NDUFA11: variants seen among roughly 807,000 people sequenced by gnomAD.
NDUFA11 encodes the protein NADH:ubiquinone oxidoreductase subunit A11.
NDUFA11 carries 14 observed loss-of-function variants against 11.3 expected under a neutral mutation model. The ratio of observed to expected loss-of-function variants is 1.24; its 90% CI spans 0.82 to 1.94. NDUFA11 has a LOEUF of 1.94. Among genes scored for constraint, NDUFA11 ranks in the 30% most tolerant of loss-of-function variants. The pLI is 0.00. For synonymous variants in NDUFA11, 87 were observed against 85.6 expected, an observed-to-expected ratio of 1.02 and a Z score of -0.09; for missense variants, 204 against 200.3, an observed-to-expected ratio of 1.02 and a Z score of -0.11.
At chr19:5,899,148 C>CTTTT (rs550114615) in intron 1 of NDUFA11, among the ~76,000 whole-genome samples, 6 of 139,192 alleles carry the variant, frequency 4.3e-5, no homozygotes, top group African/African-American at 7.9e-5. Context: ...TATGAAGATT[C>CTTTT]TTTTTTTTTT....
intron 1 of NDUFA11, 65 bp downstream of exon 1, chr19:5,903,547 C>G: frequency 6.9e-7 from 1 of 1,458,258 alleles, no homozygotes; most frequent in African/African-American, 1.4e-5. Flanking sequence ...CCAAACAGCC[C>G]CCAGTAACCC....
downstream of NDUFA11, among the ~76,000 whole-genome samples, chr19:5,893,502 C>T (rs987364045): frequency 2.0e-5 from 3 of 152,068 alleles, no homozygotes; most frequent in Non-Finnish European, 4.4e-5. This position sits in a 1 kb window ranked among gnomAD's most constrained non-coding sequence, Gnocchi z 4.1. Context: ...GGTCTCACTG[C>T]GTTGCCCAGG....
At chr19:5,895,111 C>A (rs1432413335) in intron 3 of NDUFA11, 2 of 515,986 alleles carry the variant, frequency 3.9e-6, no homozygotes, top group East Asian at 6.7e-5. Context: ...ACACTGACTT[C>A]CCCCTGCGAG....
chr19:5,897,339 T>C (rs1323115535), intron 1 of NDUFA11, among the ~76,000 whole-genome samples: 4 of 152,096 alleles, frequency 2.6e-5, no homozygotes, highest in Non-Finnish European at 5.9e-5. Context: ...ATCCACGTGG[T>C]GGACACAAGA....
At position 5,903,761 on chromosome 19, in the gene NDUFA11, G is replaced by T; in HGVS notation, c.-53C>A. 2 of 1,529,740 alleles carry T rather than the reference G, an allele frequency of 1.3e-6. No homozygotes were observed. The highest frequency in any genetic ancestry group is 1.8e-6 in the Non-Finnish European group (2 of 1,127,806). 94.8% of individuals were successfully genotyped at this position (1,529,740 alleles called of 1,614,324 possible). A position where few individuals can be genotyped will look rare whatever the true frequency, so the allele number is the denominator to read the frequency against. On this transcript the variant is annotated 5_prime_UTR_variant, in exon 1 of 4. Transcript: ENST00000308961. Reference sequence around the variant, plus strand: ...GACCCCGCCAGCTCGGGAAGCGCAAGGGCAGCCGCGGCTGGCTATCGCGAG... The same window carrying T: ...GACCCCGCCAGCTCGGGAAGCGCAATGGCAGCCGCGGCTGGCTATCGCGAG...
intron 1 of NDUFA11, chr19:5,901,515 G>A: frequency 8.0e-7 from 1 of 1,249,754 alleles, no homozygotes; most frequent in African/African-American, 1.5e-5. Context: ...CAAAATATGG[G>A]AGTGATGATT....
At chr19:5,903,519 C>T (rs908762766) in intron 1 of NDUFA11, 93 bp downstream of exon 1, 1 of 1,250,790 alleles carries the variant, frequency 8.0e-7, no homozygotes, top group Non-Finnish European at 1.1e-6. Context: ...ACCCGCGAGA[C>T]TCCCAGACCC....
intron 1 of NDUFA11, among the ~76,000 whole-genome samples, chr19:5,897,906 G>A (rs2057620881): frequency 6.6e-6 from 1 of 152,092 alleles, no homozygotes; most frequent in Admixed American, 6.5e-5. Context: ...GGCAGATTGA[G>A]CCAGCCCGAG....
downstream of NDUFA11, among the ~76,000 whole-genome samples, chr19:5,893,755 A>T (rs747055009): frequency 6.6e-6 from 1 of 152,066 alleles, no homozygotes; most frequent in Non-Finnish European, 1.5e-5. This position sits in a 1 kb window ranked among gnomAD's most constrained non-coding sequence, Gnocchi z 4.1. Context: ...GCTGAAAGTG[A>T]AGTTTGGCTT....
At chr19:5,903,581 C>T in intron 1 of NDUFA11, 31 bp downstream of exon 1, 5 of 1,544,664 alleles carry the variant, frequency 3.2e-6, no homozygotes, top group Non-Finnish European at 4.4e-6. Context: ...CGGCCTCGGC[C>T]CTCCACCCTC....
chr19:5,898,304 G>GGCAGT (rs1255607043), intron 1 of NDUFA11, among the ~76,000 whole-genome samples: 1 of 152,184 alleles, frequency 6.6e-6, no homozygotes, highest in Non-Finnish European at 1.5e-5. Flanking sequence ...TGCCAGGCCT[G>GGCAGT]GCAGTGACCC....
rs1455835250 is a variant in NDUFA11, at chr19:5,903,766, G to T, written c.-58C>A. The stretch of plus-strand genomic sequence containing the variant: ...CGCCAGCTCGGGAAGCGCAAGGGCA[G>T]CCGCGGCTGGCTATCGCGAGACTTC... On this transcript the variant is annotated 5_prime_UTR_variant, in exon 1 of 4. In the 5' UTR this introduces an upstream ATG that the reference lacks. Transcript: ENST00000308961. The T allele has an allele frequency of 7.3e-6, 11 of 1,516,608 alleles. No individual in the cohort carries two copies. The highest frequency in any genetic ancestry group is 9.9e-6 in the Non-Finnish European group (11 of 1,116,060). 93.9% of individuals were successfully genotyped at this position (1,516,608 alleles called of 1,614,324 possible). A position where few individuals can be genotyped will look rare whatever the true frequency, so the allele number is the denominator to read the frequency against.
chr19:5,903,473 G>T, intron 1 of NDUFA11, 139 bp downstream of exon 1: 1 of 770,430 alleles, frequency 1.3e-6, no homozygotes, highest in Non-Finnish European at 2.1e-6. Context: ...CCCCCCCTAC[G>T]ACCGCCCAAG....
Position 5,896,439 on chromosome 19 carries a change from AG to A in NDUFA11, c.313+13del, listed in dbSNP as rs778829551. ...GGCTGGGAGGAGGGTGGGGGTGGGG[AG>A]GGGGCCACTCACTGCGTGCTCCCAG... On this transcript the variant is annotated intron_variant, in intron 3 of 3. Coordinates refer to ENST00000308961, the MANE Select transcript of NDUFA11 (RefSeq NM_175614.5). This position sits in a 1 kb window ranked among gnomAD's most constrained non-coding sequence, Gnocchi z 5.8. The A allele has an allele frequency of 1.3e-5, 11 of 827,572 alleles. No homozygotes were observed. The highest frequency in any genetic ancestry group is 2.4e-5 in the Admixed American group (1 of 41,328). The allele number at this position is 827,572 out of a possible 1,614,324, so 51.3% of individuals were successfully genotyped here.
At chr19:5,892,730 G>A (rs1485377015), downstream of NDUFA11, 4 of 777,600 alleles carry the variant, frequency 5.1e-6, no homozygotes, top group Non-Finnish European at 7.4e-6. Context: ...CCCCCTGCCG[G>A]CCGCAGTAGA....
Position 5,902,904 on chromosome 19 carries a change from G to A in NDUFA11, c.97+708C>T, listed in dbSNP as rs527644249. ...CGTGAGCCCGTAATCCCAGCTACTT[G>A]GGAGGCTGAGGCAAGGGAATTGCTC... On this transcript the variant is annotated intron_variant, in intron 1 of 3. Transcript: ENST00000308961. 5.3e-4 allele frequency among the ~76,000 whole-genome samples: 80 copies of A among 152,104 alleles called. 1 individual carries two copies. The highest frequency in any genetic ancestry group is 1.9e-3 in the African/African-American group (79 of 41,474).
intron 1 of NDUFA11, among the ~76,000 whole-genome samples, chr19:5,901,926 C>A (rs7246733): frequency 3.3e-5 from 5 of 150,994 alleles, no homozygotes; most frequent in Non-Finnish European, 7.4e-5. Flanking sequence ...CTGCCTCGGC[C>A]TCCCAAAGTG....
At chr19:5,895,978 ATCC>A (rs1050061923) in intron 3 of NDUFA11, 19 of 226,344 alleles carry the variant, frequency 8.4e-5, no homozygotes, top group African/African-American at 3.8e-4. Context: ...GACTCCATCC[ATCC>A]TCCTCTCTGA....
Position 5,896,738 on chromosome 19 carries a change from C to A in NDUFA11, c.191-163G>T. ...TCCTGGAGCTGTTCTCCTGGGCCTC[C>A]CCACCCTACATGTATTCCTGATAAA... On this transcript the variant is annotated intron_variant, in intron 2 of 3. Transcript: ENST00000308961. This position sits in a 1 kb window ranked among gnomAD's most constrained non-coding sequence, Gnocchi z 5.8. 8.2e-7 allele frequency: 1 copy of A among 1,218,806 alleles called. No homozygotes were observed. Among genetic ancestry groups the A allele is most frequent in the Non-Finnish European group, 1.2e-6 (1 of 840,976 alleles). 75.5% of individuals were successfully genotyped at this position (1,218,806 alleles called of 1,614,324 possible). A position where few individuals can be genotyped will look rare whatever the true frequency, so the allele number is the denominator to read the frequency against.
Sources: allele counts gnomAD v4.1 joint callset (sites outside exome capture counted in the v4.1 genomes callset), GRCh38; gene constraint gnomAD v4.1.1; non-coding constraint Gnocchi (gnomAD v3.1); transcripts MANE v1.5; gene names NCBI Gene and HGNC (gene_info 2026-07-23, HGNC 2026-07-21).